Variants in FGF13 observed in about 807,000 individuals in gnomAD.
FGF13 encodes the protein fibroblast growth factor 13, also known as fibroblast growth factor homologous factor 2.
A neutral mutation model predicts 19.5 loss-of-function variants in FGF13; 2 were observed. The observed-to-expected ratio is 0.10, with a 90% CI of 0.04 to 0.32. The LOEUF is 0.32. Among genes scored for constraint, FGF13 ranks in the 10% least tolerant of loss-of-function variants. The pLI, the probability that FGF13 is intolerant of heterozygous loss-of-function variation, is 1.00. For missense variants in FGF13, 113 were observed against 192.7 expected (o/e 0.59, Z 2.45); for synonymous variants, 72 against 76.9 (o/e 0.94, Z 0.33).
rs1183492357 is a variant in FGF13 at position 138,630,080 on chromosome X, CAT to C, written c.*2768_*2769del. On this transcript the variant is annotated 3_prime_UTR_variant, in exon 5 of 5. Transcript: ENST00000315930. ...TGAAGATGTGTGAAAGTATTGATAT[CAT>C]CACTTGTAGGAAGGTTTGAGGACTA... 1 of 110,456 alleles carries C rather than the reference CAT, an allele frequency of 9.1e-6. No individual in the cohort carries two copies. Among genetic ancestry groups the C allele is most frequent in the African/African-American group, 3.3e-5 (1 of 30,316 alleles). 9.1% of individuals were successfully genotyped at this position (110,456 alleles called of 1,213,427 possible).
intron 1 of FGF13, among the ~76,000 whole-genome samples, chrX:139,167,641 G>T (rs2084097450): frequency 8.9e-6 from 1 of 111,940 alleles, no homozygotes; most frequent in Non-Finnish European, 1.9e-5. Flanking sequence ...GAATGATAAA[G>T]ATCATCAATG....
intron 1 of FGF13, among the ~76,000 whole-genome samples, chrX:138,874,473 T>C (rs756227551): frequency 3.6e-5 from 4 of 111,569 alleles, no homozygotes; most frequent in African/African-American, 9.8e-5. Context: ...CCTGTTTAAC[T>C]GACAGCCTCT....
At chrX:138,964,741 A>G (rs751333831) in intron 1 of FGF13, among the ~76,000 whole-genome samples, 1 of 111,090 alleles carries the variant, frequency 9.0e-6, no homozygotes, top group Non-Finnish European at 1.9e-5. Context: ...TAAGAGAGGG[A>G]GCCAGAGAGA....
chrX:139,035,380 G>A (rs2092247328), intron 1 of FGF13, among the ~76,000 whole-genome samples: 1 of 111,160 alleles, frequency 9.0e-6, no homozygotes, highest in Non-Finnish European at 1.9e-5. Flanking sequence ...TGCAAAATTA[G>A]CCTCACCATT....
intron 3 of FGF13, among the ~76,000 whole-genome samples, chrX:138,808,124 T>C (rs1435248739): frequency 1.8e-5 from 2 of 111,661 alleles, no homozygotes; most frequent in Non-Finnish European, 3.8e-5. Flanking sequence ...CCACCCCAAA[T>C]CAACAGAATA....
intron 1 of FGF13, among the ~76,000 whole-genome samples, chrX:139,076,763 G>A (rs1482905135): frequency 8.9e-6 from 1 of 112,107 alleles, no homozygotes; most frequent in Non-Finnish European, 1.9e-5. Context: ...AAGAAGGAAA[G>A]TTTCATTTTT....
intron 1 of FGF13, among the ~76,000 whole-genome samples, chrX:139,041,150 T>C (rs984895295): frequency 9.1e-6 from 1 of 109,503 alleles, no homozygotes; most frequent in Non-Finnish European, 1.9e-5. Context: ...TAAACCACCA[T>C]GGCACACATT....
chrX:138,662,926 T>C (rs1449864857), intron 3 of FGF13, among the ~76,000 whole-genome samples: 2 of 111,338 alleles, frequency 1.8e-5, no homozygotes, highest in African/African-American at 6.5e-5. Context: ...AGCTTTCACA[T>C]TTCCTTTTTT....
chrX:138,819,867 G>C (rs1293527821), intron 3 of FGF13, among the ~76,000 whole-genome samples: 1 of 111,644 alleles, frequency 9.0e-6, no homozygotes, highest in Non-Finnish European at 1.9e-5. Context: ...ACAATAACTT[G>C]AAGGTGGAAT....
chrX:139,028,734 T>C (rs1211797661), intron 1 of FGF13, among the ~76,000 whole-genome samples: 3 of 107,963 alleles, frequency 2.8e-5, no homozygotes. Context: ...CGTGTGTGTG[T>C]GTGTTGCAAA....
At chrX:139,083,912 G>C (rs5976264) in intron 1 of FGF13, among the ~76,000 whole-genome samples, 2,776 of 110,736 alleles carry the variant, frequency 0.025, 87 homozygotes, top group African/African-American at 0.083. Context: ...AAGTATCCCA[G>C]GGAGAGAGTC....
chrX:139,004,103 A>C (rs890662925), intron 1 of FGF13, among the ~76,000 whole-genome samples: 1 of 112,650 alleles, frequency 8.9e-6, no homozygotes, highest in Non-Finnish European at 1.9e-5. Context: ...AGGCTTGGGC[A>C]GCACAGGAGC....
At chrX:139,022,992 A>G (rs1458629434) in intron 1 of FGF13, among the ~76,000 whole-genome samples, 4 of 111,692 alleles carry the variant, frequency 3.6e-5, no homozygotes, top group Non-Finnish European at 7.5e-5. Flanking sequence ...GACCCATACT[A>G]CAGACAAGGA....
At chrX:138,832,721 A>T (rs747944165) in intron 3 of FGF13, among the ~76,000 whole-genome samples, 4 of 112,054 alleles carry the variant, frequency 3.6e-5, no homozygotes, top group Non-Finnish European at 5.6e-5. Context: ...GCATCTTCAT[A>T]ATAAAATCTT....
intron 1 of FGF13, among the ~76,000 whole-genome samples, chrX:138,889,803 A>G (rs28620321): frequency 0.054 from 5,988 of 111,729 alleles, 429 homozygotes; most frequent in African/African-American, 0.18. Context: ...AGGAAGCAAT[A>G]AGCACTACTG....
At chrX:139,097,966 T>C (rs1241835142) in intron 1 of FGF13, among the ~76,000 whole-genome samples, 1 of 111,291 alleles carries the variant, frequency 9.0e-6, no homozygotes, top group African/African-American at 3.3e-5. Flanking sequence ...TACATGGGAG[T>C]TCATTTTATT....
intron 1 of FGF13, among the ~76,000 whole-genome samples, chrX:139,089,584 T>A (rs76676495): frequency 9.0e-6 from 1 of 111,664 alleles, no homozygotes; most frequent in Non-Finnish European, 1.9e-5. Flanking sequence ...AATTTTTTTT[T>A]ATCTGCCATT....
At chrX:139,153,447 C>T (rs754770790) in intron 1 of FGF13, among the ~76,000 whole-genome samples, 3 of 111,003 alleles carry the variant, frequency 2.7e-5, no homozygotes, top group Non-Finnish European at 5.7e-5. Flanking sequence ...CCAAATAGCC[C>T]CCTCTCCCCT....
chrX:138,816,335 T>C (rs985046375), intron 3 of FGF13, among the ~76,000 whole-genome samples: 5 of 112,120 alleles, frequency 4.5e-5, no homozygotes, highest in Non-Finnish European at 9.4e-5. Flanking sequence ...TGCAACCTAC[T>C]CTGTAGGTGA....
Sources: allele counts gnomAD v4.1 joint callset (sites outside exome capture counted in the v4.1 genomes callset), GRCh38; gene constraint gnomAD v4.1.1; transcripts MANE v1.5; gene names NCBI Gene and HGNC (gene_info 2026-07-23, HGNC 2026-07-21).